Variants in SUCLA2 observed in about 807,000 individuals in gnomAD.
The protein encoded by SUCLA2 is succinate-CoA ligase ADP-forming subunit beta, also known as succinate--CoA ligase [ADP-forming] subunit beta, mitochondrial.
A neutral mutation model predicts 54.8 loss-of-function variants in SUCLA2; 30 were observed. That is an observed-to-expected ratio of 0.55 (90% CI 0.41 to 0.74). The LOEUF is 0.74. Ranked by LOEUF, SUCLA2 falls within the 30% of genes least tolerant of loss-of-function variation. The pLI, the probability that SUCLA2 is intolerant of heterozygous loss-of-function variation, is 0.00. For synonymous variants in SUCLA2, 172 were observed against 188.9 expected, an observed-to-expected ratio of 0.91 and a Z score of 0.74; for missense variants, 476 against 562.9, an observed-to-expected ratio of 0.85 and a Z score of 1.56.
chr13:47,985,395 C>A (rs1439903421), intron 4 of SUCLA2, among the ~76,000 whole-genome samples: 1 of 151,902 alleles, frequency 6.6e-6, no homozygotes, highest in African/African-American at 2.4e-5. Flanking sequence ...CCCTCCACCC[C>A]CACCCCGACA....
intron 5 of SUCLA2, among the ~76,000 whole-genome samples, chr13:47,969,934 T>C (rs1178601513): frequency 1.3e-5 from 2 of 151,972 alleles, no homozygotes; most frequent in South Asian, 4.2e-4. Context: ...AAACACTGTC[T>C]CTATCAAAAA....
At chr13:47,974,311 C>G (rs935207001) in intron 4 of SUCLA2, among the ~76,000 whole-genome samples, 1 of 152,158 alleles carries the variant, frequency 6.6e-6, no homozygotes, top group Non-Finnish European at 1.5e-5. Flanking sequence ...GCTGGCCAGG[C>G]ACAGTGGCTC....
At chr13:47,965,470 C>G in intron 6 of SUCLA2, 2 of 374,462 alleles carry the variant, frequency 5.3e-6, no homozygotes, top group East Asian at 7.4e-5. Flanking sequence ...GAAGGGCATT[C>G]TATGAAATAA....
At chr13:47,990,338 G>T (rs942661951) in intron 2 of SUCLA2, among the ~76,000 whole-genome samples, 1 of 152,076 alleles carries the variant, frequency 6.6e-6, no homozygotes, top group Non-Finnish European at 1.5e-5. Flanking sequence ...ACAGAGCAAG[G>T]CTGTCTCAAA....
intron 10 of SUCLA2, among the ~76,000 whole-genome samples, chr13:47,947,157 G>C (rs1297283351): frequency 1.3e-5 from 2 of 152,064 alleles, no homozygotes; most frequent in African/African-American, 4.8e-5. Flanking sequence ...CCAAAGGTTG[G>C]ACAATTTCAA....
intron 4 of SUCLA2, among the ~76,000 whole-genome samples, chr13:47,977,648 A>G (rs1240498412): frequency 1.3e-5 from 2 of 152,316 alleles, no homozygotes; most frequent in Admixed American, 1.3e-4. Context: ...AATACATGCT[A>G]TTAACAGAAT....
intron 4 of SUCLA2, among the ~76,000 whole-genome samples, chr13:47,974,817 T>A (rs1949996523): frequency 6.6e-6 from 1 of 152,150 alleles, no homozygotes; most frequent in African/African-American, 2.4e-5. Flanking sequence ...ATAGTAAAAC[T>A]GCATTTAAAG....
chr13:47,984,194 C>CT (rs764034048), intron 4 of SUCLA2, among the ~76,000 whole-genome samples: 256 of 143,854 alleles, frequency 1.8e-3, no homozygotes, highest in East Asian at 1.8e-3. Context: ...CTACTTTTCA[C>CT]TTTTTTTTTT....
intron 2 of SUCLA2, among the ~76,000 whole-genome samples, chr13:47,992,773 G>A (rs983482457): frequency 6.6e-6 from 1 of 152,164 alleles, no homozygotes; most frequent in Non-Finnish European, 1.5e-5. Context: ...AAGAAAGAAA[G>A]AAGGTAAAGT....
chr13:47,992,022 A>G (rs773720137), intron 2 of SUCLA2, among the ~76,000 whole-genome samples: 4 of 152,172 alleles, frequency 2.6e-5, no homozygotes, highest in Non-Finnish European at 5.9e-5. Flanking sequence ...AGCAGCCACT[A>G]TTTATTCCAC....
At chr13:47,950,821 C>T (rs1004690366) in intron 8 of SUCLA2, among the ~76,000 whole-genome samples, 1 of 152,124 alleles carries the variant, frequency 6.6e-6, no homozygotes, top group African/African-American at 2.4e-5. Flanking sequence ...ACTCTGACTA[C>T]AAGCAATCTT....
At position 48,001,224 on chromosome 13, in the gene SUCLA2, G is replaced by T; in HGVS notation, c.46C>A (p.Leu16Ile). ...GCCGTCCGAGGCCGGTGGTTCCGAA[G>T]GGTGGCCACGGCCACTAGCCTGCCG... ...FYGRLVAVAT[L>I]RNHRPRTAQR... The change falls in exon 1 of 11, where the codon CTT becomes ATT. Residue 16 changes from leucine (L) to isoleucine (I), a missense_variant. Around this residue, in one of 2 missense-constraint regions of SUCLA2, gnomAD observed 134 missense variants for 118.7 expected, o/e 1.13. Coordinates refer to ENST00000646932, the MANE Select transcript of SUCLA2 (RefSeq NM_003850.3). 6.2e-7 allele frequency: 1 copy of T among 1,608,232 alleles called. No individual in the cohort carries two copies.
intron 5 of SUCLA2, among the ~76,000 whole-genome samples, chr13:47,970,029 G>C (rs1311342702): frequency 6.7e-6 from 1 of 150,164 alleles, no homozygotes; most frequent in African/African-American, 2.5e-5. Context: ...TTGAACTCAG[G>C]AGGTGGAGGT....
intron 5 of SUCLA2, among the ~76,000 whole-genome samples, chr13:47,969,293 AT>A (rs991816190): frequency 6.7e-6 from 1 of 150,318 alleles, no homozygotes; most frequent in African/African-American, 2.4e-5. Flanking sequence ...CTTTTGTATA[AT>A]TTATAAAGAG....
At chr13:47,949,667 A>G (rs1277806467) in intron 8 of SUCLA2, 64 bp from the exon 9 acceptor site, 4 of 1,502,596 alleles carry the variant, frequency 2.7e-6, no homozygotes, top group Non-Finnish European at 2.8e-6. Flanking sequence ...TCCCCAAAAA[A>G]TACTAGTATA....
chr13:47,966,232 G>A (rs532342822), intron 6 of SUCLA2, among the ~76,000 whole-genome samples: 4 of 152,150 alleles, frequency 2.6e-5, no homozygotes, highest in African/African-American at 9.6e-5. Flanking sequence ...TGACTAAAGT[G>A]TATTTAGGAG....
chr13:47,984,421 C>G (rs1048127927), intron 4 of SUCLA2, among the ~76,000 whole-genome samples: 3 of 151,848 alleles, frequency 2.0e-5, no homozygotes, highest in Middle Eastern at 3.2e-3. Context: ...CCAGGATGGT[C>G]TCGATCTCCT....
intron 8 of SUCLA2, among the ~76,000 whole-genome samples, chr13:47,952,023 A>C (rs9562786): frequency 0.085 from 12,749 of 150,124 alleles, 726 homozygotes; most frequent in South Asian, 0.18. Context: ...TGGAAGAGTA[A>C]TCTCTCCTGG....
rs1950197173 is a variant in SUCLA2 at position 47,997,027 on chromosome 13, G to T, written c.91-4C>A. The T allele has an allele frequency of 1.2e-6, 2 of 1,613,878 alleles. No individual in the cohort carries two copies. Among genetic ancestry groups the T allele is most frequent in the African/African-American group, 2.7e-5 (2 of 74,888 alleles). The stretch of plus-strand genomic sequence containing the variant: ...ACAATCCAGAACTTCCCAGAACCTA[G>T]AAAGATTGGGGACATATTTATATAT... On this transcript the variant is annotated splice_polypyrimidine_tract_variant and splice_region_variant and intron_variant, in intron 1 of 10. Coordinates refer to ENST00000646932, the MANE Select transcript of SUCLA2 (RefSeq NM_003850.3).
Sources: gnomAD v4.1 joint callset for allele counts (sites outside exome capture counted in the v4.1 genomes callset) on GRCh38, gnomAD v4.1.1 for gene constraint, gnomAD v4.1.1 regional missense constraint, MANE v1.5 for transcripts, NCBI Gene and HGNC (gene_info 2026-07-23, HGNC 2026-07-21) for gene names.